PPM1D: variants seen among roughly 807,000 people sequenced by gnomAD.
The protein encoded by PPM1D is protein phosphatase 1D.
In PPM1D, 52 loss-of-function variants were observed where a neutral mutation model predicts 58.3. The ratio of observed to expected loss-of-function variants is 0.89; its 90% confidence interval spans 0.71 to 1.12. PPM1D has a LOEUF of 1.12. Among genes scored for constraint, PPM1D ranks in the 50% most tolerant of loss-of-function variants. The pLI is 0.00. For missense variants in PPM1D, 564 were observed against 777.2 expected (o/e 0.73, Z 3.26); for synonymous variants, 278 against 285.1 (o/e 0.98, Z 0.25).
At chr17:60,660,453 A>T (rs1256857258) in intron 5 of PPM1D, among the ~76,000 whole-genome samples, 1 of 152,120 alleles carries the variant, frequency 6.6e-6, no homozygotes, top group Non-Finnish European at 1.5e-5. Context: ...GTCTATATAT[A>T]TATGTGTTTT....
chr17:60,661,959 C>A (rs968194259), intron 5 of PPM1D, among the ~76,000 whole-genome samples: 2 of 152,136 alleles, frequency 1.3e-5, no homozygotes, highest in African/African-American at 2.4e-5. Flanking sequence ...CACTGGTTTT[C>A]ATTACTAGAA....
At chr17:60,613,494 C>T (rs2030503533) in intron 1 of PPM1D, among the ~76,000 whole-genome samples, 1 of 152,382 alleles carries the variant, frequency 6.6e-6, no homozygotes, top group African/African-American at 2.4e-5. Flanking sequence ...CCTCCTCAGC[C>T]TTGGCGCCTA....
At chr17:60,623,860 A>G in intron 2 of PPM1D, 111 bp downstream of exon 2, 1 of 1,091,828 alleles carries the variant, frequency 9.2e-7, no homozygotes, top group Non-Finnish European at 1.3e-6. Context: ...CTTTCTTAGT[A>G]TTACAGGTTT....
chr17:60,612,067 G>A (rs998280757), intron 1 of PPM1D, among the ~76,000 whole-genome samples: 4 of 151,694 alleles, frequency 2.6e-5, no homozygotes, highest in Admixed American at 1.3e-4. Flanking sequence ...GATTTATAGA[G>A]GTATAATTGA....
intron 1 of PPM1D, among the ~76,000 whole-genome samples, chr17:60,608,025 A>C (rs763854383): frequency 1.3e-5 from 2 of 152,198 alleles, no homozygotes; most frequent in African/African-American, 2.4e-5. Flanking sequence ...AAACTATAGA[A>C]TTTTAAATGT....
At chr17:60,652,301 G>A (rs1489668686) in intron 4 of PPM1D, among the ~76,000 whole-genome samples, 1 of 151,916 alleles carries the variant, frequency 6.6e-6, no homozygotes, top group Non-Finnish European at 1.5e-5. Flanking sequence ...CCCTGTTGCT[G>A]CAAATGACAA....
At chr17:60,628,275 T>C (rs546573968) in intron 2 of PPM1D, among the ~76,000 whole-genome samples, 16 of 152,328 alleles carry the variant, frequency 1.1e-4, no homozygotes, top group African/African-American at 3.4e-4. Flanking sequence ...TACTTTGGCC[T>C]ACCCCCCGTC....
intron 3 of PPM1D, among the ~76,000 whole-genome samples, chr17:60,646,846 G>C (rs1201468324): frequency 1.3e-5 from 2 of 152,204 alleles, no homozygotes; most frequent in Non-Finnish European, 2.9e-5. Context: ...CCGGCTCAGT[G>C]AAAGGGAGAA....
intron 4 of PPM1D, among the ~76,000 whole-genome samples, chr17:60,653,576 G>A (rs959828878): frequency 6.6e-6 from 1 of 152,196 alleles, no homozygotes; most frequent in Non-Finnish European, 1.5e-5. Context: ...TGTGAAGAAT[G>A]TCATTTCAAT....
chr17:60,615,528 T>C (rs1343492298), intron 1 of PPM1D, among the ~76,000 whole-genome samples: 1 of 151,954 alleles, frequency 6.6e-6, no homozygotes, highest in East Asian at 1.9e-4. Context: ...AAATAAATAC[T>C]ATAGTTAAGG....
In PPM1D at chr17:60,664,847, G is replaced by C. The variant is rs1295351617; in HGVS notation, c.*1295G>C. On this transcript the variant is annotated 3_prime_UTR_variant, in exon 6 of 6. Transcript: ENST00000305921. ...GATGGAGTCTCACTCTGTCATCCAG[G>C]CTAGAGTGCAGTGGCGTGATCTCGG... 1.3e-5 allele frequency: 2 copies of C among 152,208 alleles called. No homozygotes were observed. The highest frequency in any genetic ancestry group is 4.8e-5 in the African/African-American group (2 of 41,396). The allele number at this position is 152,208 out of a possible 1,614,324, so 9.4% of individuals were successfully genotyped here. A position where few individuals can be genotyped will look rare whatever the true frequency, so the allele number is the denominator to read the frequency against.
chr17:60,644,355 C>T (rs867735153), intron 3 of PPM1D, among the ~76,000 whole-genome samples: 3 of 152,004 alleles, frequency 2.0e-5, no homozygotes, highest in Non-Finnish European at 4.4e-5. Context: ...CGGCTGGTCT[C>T]GAACTCCCAG....
At chr17:60,645,588 G>A (rs542837964) in intron 3 of PPM1D, among the ~76,000 whole-genome samples, 2,361 of 131,024 alleles carry the variant, frequency 0.018, 64 homozygotes, top group African/African-American at 0.072. Flanking sequence ...ATATATGTGT[G>A]TATATATATG....
chr17:60,665,798 C>T lies in PPM1D; in HGVS notation c.*2246C>T, dbSNP rs893276244. 2 of 152,170 alleles carry T rather than the reference C, an allele frequency of 1.3e-5. No homozygotes were observed. The highest frequency in any genetic ancestry group is 2.9e-5 in the Non-Finnish European group (2 of 68,034). The allele number at this position is 152,170 out of a possible 1,614,324, so 9.4% of individuals were successfully genotyped here. On this transcript the variant is annotated 3_prime_UTR_variant, in exon 6 of 6. Transcript: ENST00000305921. ...CATTGGGGCTAGAAGATCTGCTTCC[C>T]GCAAGACTCACAGCTGTTGGCAGGA...
At chr17:60,631,169 C>T (rs1335117575) in intron 2 of PPM1D, among the ~76,000 whole-genome samples, 1 of 152,012 alleles carries the variant, frequency 6.6e-6, no homozygotes, top group East Asian at 1.9e-4. Flanking sequence ...ATAGTGAGAT[C>T]TGTTCTCTAC....
intron 4 of PPM1D, 133 bp from the exon 5 acceptor site, chr17:60,656,466 G>T: frequency 3.5e-6 from 4 of 1,147,056 alleles, no homozygotes; most frequent in Non-Finnish European, 3.6e-6. Flanking sequence ...AAAAAAAAAA[G>T]AGAAAAGAAA....
chr17:60,601,354 G>C (rs1208720121), intron 1 of PPM1D, among the ~76,000 whole-genome samples: 1 of 152,186 alleles, frequency 6.6e-6, no homozygotes, highest in Non-Finnish European at 1.5e-5. Flanking sequence ...TCTCCAGATT[G>C]ACCCGGGATT....
At chr17:60,633,229 G>A (rs1045557048) in intron 2 of PPM1D, among the ~76,000 whole-genome samples, 3 of 152,138 alleles carry the variant, frequency 2.0e-5, no homozygotes, top group African/African-American at 7.2e-5. Context: ...AGGTTGTGGT[G>A]AGCTGAGATC....
At position 60,600,763 on chromosome 17, in the gene PPM1D, C is replaced by T; in HGVS notation, c.349C>T (p.Arg117Trp). 1 of 1,612,404 alleles carries T rather than the reference C, an allele frequency of 6.2e-7. No individual in the cohort carries two copies. Among genetic ancestry groups the T allele is most frequent in the Non-Finnish European group, 8.5e-7 (1 of 1,179,822 alleles). The change falls in exon 1 of 6, where the codon CGG becomes TGG. Residue 117 changes from arginine to tryptophan, a missense_variant. Coordinates refer to ENST00000305921, the MANE Select transcript of PPM1D (RefSeq NM_003620.4). ...HGGREAAQFAREHLWGFIKKQ... is the reference protein window; with the variant it reads ...HGGREAAQFAWEHLWGFIKKQ... ...CGGGCGGGAGGCGGCACAGTTTGCC[C>T]GGGAGCACTTGTGGGGTTTCATCAA...
Sources: allele counts gnomAD v4.1 joint callset (sites outside exome capture counted in the v4.1 genomes callset), GRCh38; gene constraint gnomAD v4.1.1; transcripts MANE v1.5; gene names NCBI Gene and HGNC (gene_info 2026-07-23, HGNC 2026-07-21).